PTPRF: variants seen among roughly 807,000 people sequenced by gnomAD.
The protein encoded by PTPRF is receptor-type tyrosine-protein phosphatase F.
Under a neutral mutation model 201.8 loss-of-function variants are expected in PTPRF, and 59 were observed. That is an observed-to-expected ratio of 0.29 (90% CI 0.24 to 0.36). The LOEUF (loss-of-function observed/expected upper bound fraction) is 0.36. Ranked by LOEUF, PTPRF falls within the 10% of genes least tolerant of loss-of-function variation. The probability of loss-of-function intolerance (pLI) is 1.00; values close to 1 mark genes in which losing one functional copy is unlikely to be tolerated. For synonymous variants in PTPRF, 1,088 were observed against 1,089.7 expected (o/e 1.00, Z 0.03); for missense variants, 2,132 against 2,690.5 (o/e 0.79, Z 4.59).
chr1:43,524,668 T>C (rs1169158898), upstream of PTPRF, among the ~76,000 whole-genome samples: 1 of 151,878 alleles, frequency 6.6e-6, no homozygotes, highest in Admixed American at 6.6e-5. Flanking sequence ...GAATCTAGGA[T>C]TGGCAGAGAC....
chr1:43,561,979 A>G (rs1440284881), intron 5 of PTPRF, among the ~76,000 whole-genome samples: 3 of 152,172 alleles, frequency 2.0e-5, no homozygotes, highest in African/African-American at 7.2e-5. Context: ...CCTCATGACC[A>G]CGGTGGAGCC....
chr1:43,525,917 T>C (rs1342444605), upstream of PTPRF, among the ~76,000 whole-genome samples: 2 of 146,994 alleles, frequency 1.4e-5, no homozygotes, highest in African/African-American at 5.1e-5. Context: ...CCTGTAGAAA[T>C]GGCTTTTGGG....
chr1:43,595,005 G>A (rs968157793), intron 11 of PTPRF, among the ~76,000 whole-genome samples: 1 of 152,220 alleles, frequency 6.6e-6, no homozygotes, highest in Non-Finnish European at 1.5e-5. Context: ...GTTGGACCGA[G>A]CAACATGGAC....
intron 5 of PTPRF, among the ~76,000 whole-genome samples, chr1:43,563,453 G>C (rs1378527440): frequency 6.6e-6 from 1 of 152,120 alleles, no homozygotes; most frequent in African/African-American, 2.4e-5. Context: ...TCTGAAGTTG[G>C]AATCTTACAG....
In PTPRF at chr1:43,562,976, G is replaced by A. The variant is rs376472033; in HGVS notation, c.380-6614G>A. Among the ~76,000 whole-genome samples the A allele has an allele frequency of 1.6e-4, 24 of 151,548 alleles. No individual in the cohort carries two copies. In the East Asian group the frequency reaches 2.0e-3, roughly 13 times the overall value. ...GCAGATCACTTGAGGTCGGGAGTTC[G>A]AGACCAGCCTGGCCAACATAGTGAA... On this transcript the variant is annotated intron_variant, in intron 5 of 33. Transcript: ENST00000359947.
chr1:43,607,964 A>C (rs1483766963), intron 21 of PTPRF, among the ~76,000 whole-genome samples: 1 of 152,258 alleles, frequency 6.6e-6, no homozygotes. Context: ...GTCAGTGAGC[A>C]CCTGGCAGAT....
chr1:43,591,601 G>A, intron 9 of PTPRF, 48 bp downstream of exon 9: 1 of 1,506,390 alleles, frequency 6.6e-7, no homozygotes. Flanking sequence ...AGAAGGGGAG[G>A]CTGAGGTTGT....
rs780540816 is a variant in PTPRF at position 43,620,998 on chromosome 1, A to C, written c.5519+6A>C. The C allele has an allele frequency of 6.2e-7, 1 of 1,612,340 alleles. No homozygotes were observed. Among genetic ancestry groups the C allele is most frequent in the Admixed American group, 1.7e-5 (1 of 59,948 alleles). On this transcript the variant is annotated splice_donor_region_variant and intron_variant, in intron 32 of 33. Coordinates refer to ENST00000359947, the MANE Select transcript of PTPRF (RefSeq NM_002840.5). ...CCTATCACGGTGCACTGCAGGTGGG[A>C]CTGGCCCCCTGGAGGGCTGGGGTGG...
Position 43,589,014 on chromosome 1 carries a change from G to C in PTPRF, c.949+14G>C, listed in dbSNP as rs896579576. On this transcript the variant is annotated intron_variant, in intron 8 of 33. Coordinates refer to ENST00000359947, the MANE Select transcript of PTPRF (RefSeq NM_002840.5). ...TCACAGTGAAAGGTGAGTGTGGCAGGTGCTGTAACCAGTGCCCTCCCTGTC... is the reference window on the plus strand; with the variant it reads ...TCACAGTGAAAGGTGAGTGTGGCAGCTGCTGTAACCAGTGCCCTCCCTGTC... The C allele has an allele frequency of 6.5e-7, 1 of 1,536,252 alleles. No individual in the cohort carries two copies. Among genetic ancestry groups the C allele is most frequent in the Non-Finnish European group, 8.8e-7 (1 of 1,136,422 alleles).
At position 43,591,557 on chromosome 1, in the gene PTPRF, G is replaced by A; in HGVS notation, c.1531+4G>A. 6.4e-7 allele frequency: 1 copy of A among 1,560,330 alleles called. No individual in the cohort carries two copies. The highest frequency in any genetic ancestry group is 1.3e-5 in the African/African-American group (1 of 74,162). ...CAGGTCAAGACGCAGCAGGGAGGTA[G>A]GTGGGGGCATGCCGGCTGGGCAGCC... On this transcript the variant is annotated splice_donor_region_variant and intron_variant, in intron 9 of 33. Transcript: ENST00000359947.
chr1:43,536,024 C>T (rs1488087154), intron 1 of PTPRF, among the ~76,000 whole-genome samples: 1 of 152,222 alleles, frequency 6.6e-6, no homozygotes. Flanking sequence ...CTGCCTTGGC[C>T]TCCCAAAGTG....
rs544782511 is a variant in PTPRF at position 43,541,035 on chromosome 1, C to T, written c.-46+2758C>T. Among the ~76,000 whole-genome samples the T allele has an allele frequency of 8.5e-5, 13 of 152,354 alleles. No homozygotes were observed. In the South Asian group the frequency reaches 1.0e-3, roughly 12 times the overall value. ...AGCTGCCCGCTGGTTAGAAGATGAACGGCTCAGAGCTCTCCCTGCCGACAG... is the reference window on the plus strand; with the variant it reads ...AGCTGCCCGCTGGTTAGAAGATGAATGGCTCAGAGCTCTCCCTGCCGACAG... On this transcript the variant is annotated intron_variant, in intron 2 of 33. Transcript: ENST00000359947.
In PTPRF at chr1:43,578,913, T is replaced by A; in HGVS notation, c.672T>A (p.Tyr224Ter). The change falls in exon 7 of 34, where the codon TAT becomes TAA. Residue 224 changes from tyrosine (Y) to a stop codon, truncating the protein, a stop_gained. Transcript: ENST00000359947. LOFTEE classifies it high-confidence loss of function. ...GTTACTCAGCCCCTGCGAACCTGTA[T>A]GTGCGAGGTAAGGACTCAGGCAGTG... ...GTRYSAPANL[Y>*]VRVRRVAPRF... The A allele has an allele frequency of 6.2e-7, 1 of 1,614,180 alleles. No individual in the cohort carries two copies. The highest frequency in any genetic ancestry group is 8.5e-7 in the Non-Finnish European group (1 of 1,180,010).
At chr1:43,536,017 C>A (rs547286933) in intron 1 of PTPRF, among the ~76,000 whole-genome samples, 1 of 152,306 alleles carries the variant, frequency 6.6e-6, no homozygotes, top group African/African-American at 2.4e-5. Flanking sequence ...GATCCACCTG[C>A]CTTGGCCTCC....
At chr1:43,613,797 G>A in intron 23 of PTPRF, 82 bp downstream of exon 23, 1 of 1,254,680 alleles carries the variant, frequency 8.0e-7, no homozygotes, top group Non-Finnish European at 1.2e-6. Flanking sequence ...TCCCAGCTGT[G>A]GTGGGTGAGG....
chr1:43,615,140 G>T (rs1275763107), intron 23 of PTPRF, among the ~76,000 whole-genome samples: 3 of 152,308 alleles, frequency 2.0e-5, no homozygotes, highest in South Asian at 2.1e-4. Flanking sequence ...TTTCCCAAGG[G>T]CTGTGGGCCA....
Position 43,605,450 on chromosome 1 carries a change from AC to A in PTPRF, c.3389+8del, listed in dbSNP as rs1243512970. 2 of 1,610,086 alleles carry A rather than the reference AC, an allele frequency of 1.2e-6. No homozygotes were observed. The highest frequency in any genetic ancestry group is 2.7e-5 in the African/African-American group (2 of 74,854). ...AAGACCCCTCGCTTGTCAGGTGTGC[AC>A]ACGAGGTATCGGGGGAGGCGGGGCA... On this transcript the variant is annotated splice_region_variant and intron_variant, in intron 18 of 33. Transcript: ENST00000359947.
At position 43,553,689 on chromosome 1, in the gene PTPRF, TCTCCTTTCAGTGTCC is replaced by T; in HGVS notation, c.237+58_237+72del. On this transcript the variant is annotated intron_variant, in intron 4 of 33. Transcript: ENST00000359947. This position sits in a 1 kb window ranked among gnomAD's most constrained non-coding sequence, Gnocchi z 4.1. ...CAGGGCTCAGGGTCTGCCCACACTC[TCTCCTTTCAGTGTCC>T]CTCCTCATGGACCTTTTGGAGGTGG... 6.2e-7 allele frequency: 1 copy of T among 1,610,750 alleles called. No homozygotes were observed. Among genetic ancestry groups the T allele is most frequent in the Non-Finnish European group, 8.5e-7 (1 of 1,178,026 alleles).
intron 22 of PTPRF, among the ~76,000 whole-genome samples, chr1:43,612,378 G>A (rs1557854539): frequency 6.6e-6 from 1 of 152,190 alleles, no homozygotes; most frequent in East Asian, 1.9e-4. Flanking sequence ...AGAGGGTGTG[G>A]GATCTGAGAA....
Sources: allele counts gnomAD v4.1 joint callset (sites outside exome capture counted in the v4.1 genomes callset), GRCh38; gene constraint gnomAD v4.1.1; non-coding constraint Gnocchi (gnomAD v3.1); transcripts MANE v1.5; gene names NCBI Gene and HGNC (gene_info 2026-07-23, HGNC 2026-07-21).